Variants in LHFPL3 observed in about 807,000 individuals in gnomAD.
LHFPL3 encodes the protein LHFPL tetraspan subfamily member 3 protein.
LHFPL3 carries 5 observed loss-of-function variants against 19.3 expected under a neutral mutation model. The observed-to-expected ratio is 0.26, with a 90% CI of 0.14 to 0.54. LHFPL3 has a LOEUF of 0.54. Among genes scored for constraint, LHFPL3 ranks in the 20% least tolerant of loss-of-function variants. The pLI is 0.94. For synonymous variants in LHFPL3, 133 were observed against 126.2 expected (o/e 1.05, Z -0.36); for missense variants, 249 against 307.4 (o/e 0.81, Z 1.42).
intron 1 of LHFPL3, among the ~76,000 whole-genome samples, chr7:104,601,655 A>C (rs192015061): frequency 3.9e-4 from 60 of 152,246 alleles, no homozygotes; most frequent in African/African-American, 1.4e-3. Context: ...TGGACATCTT[A>C]TTGCCCACAG....
At chr7:104,541,004 T>C (rs1160822784) in intron 1 of LHFPL3, among the ~76,000 whole-genome samples, 2 of 152,094 alleles carry the variant, frequency 1.3e-5, no homozygotes, top group East Asian at 3.9e-4. Flanking sequence ...CTTCTGACTT[T>C]ATCACTTTTC....
intron 2 of LHFPL3, among the ~76,000 whole-genome samples, chr7:104,881,615 T>G (rs1454192469): frequency 6.6e-6 from 1 of 152,250 alleles, no homozygotes; most frequent in African/African-American, 2.4e-5. Context: ...CTACTCCTGC[T>G]GAAGTTGCTG....
intron 2 of LHFPL3, chr7:104,894,640 TTTTTA>T (rs777754501): frequency 8.6e-4 from 131 of 152,360 alleles, no homozygotes; most frequent in Non-Finnish European, 1.4e-3. Flanking sequence ...GTGTATGAAT[TTTTTA>T]TTTTATTATT....
intron 1 of LHFPL3, among the ~76,000 whole-genome samples, chr7:104,374,586 C>T (rs752369472): frequency 2.6e-5 from 4 of 151,986 alleles, no homozygotes; most frequent in Non-Finnish European, 4.4e-5. Flanking sequence ...AAATGGAGCA[C>T]GGGTGGGAGA....
intron 2 of LHFPL3, among the ~76,000 whole-genome samples, chr7:104,901,375 C>T (rs956090434): frequency 1.3e-5 from 2 of 152,134 alleles, no homozygotes; most frequent in African/African-American, 4.8e-5. Flanking sequence ...CTTCTGCATG[C>T]CCTGGGGTTT....
At chr7:104,348,132 A>G (rs1480258261) in intron 1 of LHFPL3, among the ~76,000 whole-genome samples, 2 of 152,212 alleles carry the variant, frequency 1.3e-5, no homozygotes, top group African/African-American at 4.8e-5. Context: ...CACGCCTGTA[A>G]TCCCAGAACT....
At chr7:104,588,265 CTT>C (rs1790627868) in intron 1 of LHFPL3, among the ~76,000 whole-genome samples, 1 of 152,178 alleles carries the variant, frequency 6.6e-6, no homozygotes, top group Non-Finnish European at 1.5e-5. Flanking sequence ...ACATTTAAGT[CTT>C]TAATCCATCT....
intron 1 of LHFPL3, among the ~76,000 whole-genome samples, chr7:104,408,486 C>A (rs146625433): frequency 6.6e-6 from 1 of 152,208 alleles, no homozygotes; most frequent in East Asian, 1.9e-4. Context: ...CTACAATCCC[C>A]AAATATTGAT....
chr7:104,879,428 T>A (rs1386337608), intron 2 of LHFPL3, among the ~76,000 whole-genome samples: 1 of 151,344 alleles, frequency 6.6e-6, no homozygotes, highest in African/African-American at 2.4e-5. Flanking sequence ...AAAAAAAAAA[T>A]TTTAAGGTGG....
At chr7:104,732,536 T>C (rs1471593592) in intron 1 of LHFPL3, among the ~76,000 whole-genome samples, 1 of 152,200 alleles carries the variant, frequency 6.6e-6, no homozygotes, top group Admixed American at 6.5e-5. Flanking sequence ...TATTCTCTGA[T>C]GGTATTTTGT....
At chr7:104,634,056 C>G (rs1584452429) in intron 1 of LHFPL3, among the ~76,000 whole-genome samples, 4 of 152,290 alleles carry the variant, frequency 2.6e-5, no homozygotes, top group Admixed American at 2.6e-4. Flanking sequence ...CACTATTATT[C>G]TAAACTTTTA....
At chr7:104,870,721 G>A (rs529186896) in intron 2 of LHFPL3, among the ~76,000 whole-genome samples, 3 of 152,288 alleles carry the variant, frequency 2.0e-5, no homozygotes, top group East Asian at 1.9e-4. Context: ...AGTTTTCCCC[G>A]TGGACTCTGA....
intron 1 of LHFPL3, among the ~76,000 whole-genome samples, chr7:104,420,477 G>A (rs1320077086): frequency 6.6e-6 from 1 of 152,014 alleles, no homozygotes; most frequent in Admixed American, 6.6e-5. Context: ...TCTGTATAAT[G>A]ACAGAGGAAG....
intron 1 of LHFPL3, among the ~76,000 whole-genome samples, chr7:104,591,596 A>G (rs1235964492): frequency 6.6e-6 from 1 of 151,904 alleles, no homozygotes; most frequent in African/African-American, 2.4e-5. Flanking sequence ...ATGTGTCTTG[A>G]GGTTGCTCTT....
rs1792615889 is a variant in LHFPL3 at position 104,906,362 on chromosome 7, C to CT, written c.*149dup. The CT allele has an allele frequency of 2.3e-6, 2 of 888,064 alleles. No homozygotes were observed. Among genetic ancestry groups the CT allele is most frequent in the East Asian group, 2.7e-5 (1 of 36,432 alleles). The allele number at this position is 888,064 out of a possible 1,614,324, so 55.0% of individuals were successfully genotyped here. ...AATATGAACAAGAATGGAACATTCA[C>CT]TTGTCAACGCACTTTCTAAATCTAG... On this transcript the variant is annotated 3_prime_UTR_variant, in exon 3 of 3. Transcript: ENST00000424859.
chr7:104,611,263 G>A (rs898453795), intron 1 of LHFPL3, among the ~76,000 whole-genome samples: 3 of 152,166 alleles, frequency 2.0e-5, no homozygotes, highest in Admixed American at 6.5e-5. Flanking sequence ...ATACACTATT[G>A]TTATCCCCAG....
chr7:104,820,946 A>G (rs945303454), intron 2 of LHFPL3, among the ~76,000 whole-genome samples: 1 of 152,102 alleles, frequency 6.6e-6, no homozygotes, highest in Non-Finnish European at 1.5e-5. Flanking sequence ...GCCTAGAGAG[A>G]CACCCTCAGT....
chr7:104,745,656 TTC>T (rs1452195734), intron 2 of LHFPL3, among the ~76,000 whole-genome samples: 2 of 152,188 alleles, frequency 1.3e-5, no homozygotes, highest in African/African-American at 4.8e-5. Context: ...ATGAATACTT[TTC>T]TCAGTCAGAA....
intron 1 of LHFPL3, among the ~76,000 whole-genome samples, chr7:104,450,049 G>T (rs901502165): frequency 6.6e-6 from 1 of 152,152 alleles, no homozygotes; most frequent in African/African-American, 2.4e-5. Context: ...AGCCAGAAGA[G>T]ACCCCTCTCA....
Sources: gnomAD v4.1 joint callset for allele counts (sites outside exome capture counted in the v4.1 genomes callset) on GRCh38, gnomAD v4.1.1 for gene constraint, MANE v1.5 for transcripts, NCBI Gene and HGNC (gene_info 2026-07-23, HGNC 2026-07-21) for gene names.